SORBS3: variants seen among roughly 807,000 people sequenced by gnomAD.
SORBS3 encodes vinexin.
SORBS3 carries 69 observed loss-of-function variants against 98.0 expected under a neutral mutation model. That is an observed-to-expected ratio of 0.70 (90% CI 0.58 to 0.86). The LOEUF (loss-of-function observed/expected upper bound fraction) is 0.86. Among genes scored for constraint, SORBS3 ranks in the 40% least tolerant of loss-of-function variants. The pLI is 0.00. For synonymous variants in SORBS3, 394 were observed against 355.4 expected, an observed-to-expected ratio of 1.11 and a Z score of -1.22; for missense variants, 954 against 908.5, an observed-to-expected ratio of 1.05 and a Z score of -0.64.
rs1192385180 is a variant in SORBS3, at chr8:22,574,722, G to A, written c.2010G>A (p.Pro670=). The change falls in exon 21 of 21, where the codon CCG becomes CCA. Residue 670 remains proline, a synonymous_variant. Transcript: ENST00000240123. The part of the protein sequence containing the change: ...FGTFPGNYVA[P]V ...CGTTCCCTGGAAATTACGTTGCCCC[G>A]GTGTGAGTGGTCTCCATGGCAACTT... The A allele has an allele frequency of 1.2e-6, 2 of 1,610,958 alleles. No individual in the cohort carries two copies. Among genetic ancestry groups the A allele is most frequent in the South Asian group, 2.2e-5 (2 of 90,980 alleles).
chr8:22,555,276 A>C (rs1840163584), intron 3 of SORBS3, among the ~76,000 whole-genome samples: 1 of 152,140 alleles, frequency 6.6e-6, no homozygotes, highest in African/African-American at 2.4e-5. Flanking sequence ...TCCCACAGGG[A>C]CTGGGGATGG....
Position 22,556,897 on chromosome 8 carries a change from G to GC in SORBS3, c.409dup (p.Arg137ProfsTer5). ...CGTGGACGAGAGCGGCATGCCCATT[G>GC]CCCCCCGATCCGTGAGTCCAGGGCT... On this transcript the variant is annotated frameshift_variant, in exon 4 of 21. Transcript: ENST00000240123. LOFTEE classifies it high-confidence loss of function. 1.9e-6 allele frequency: 3 copies of GC among 1,612,750 alleles called. No individual in the cohort carries two copies. The highest frequency in any genetic ancestry group is 2.5e-6 in the Non-Finnish European group (3 of 1,180,024).
Position 22,564,085 on chromosome 8 carries a change from A to C in SORBS3, c.675+8A>C. 6.2e-7 allele frequency: 1 copy of C among 1,612,808 alleles called. No individual in the cohort carries two copies. Among genetic ancestry groups the C allele is most frequent in the East Asian group, 2.2e-5 (1 of 44,884 alleles). ...CTGCAGCCCTCAAATCAGGTAGCCC[A>C]CCCAGCATAGTCCCTGGTCAGCCCC... On this transcript the variant is annotated splice_region_variant and intron_variant, in intron 8 of 20. Transcript: ENST00000240123.
At chr8:22,549,176 GGGCAGTGCCAGA>G (rs1190785207), upstream of SORBS3, among the ~76,000 whole-genome samples, 1 of 152,260 alleles carries the variant, frequency 6.6e-6, no homozygotes, top group African/African-American at 2.4e-5. Context: ...CCCTGACAAA[GGGCAGTGCCAGA>G]GGTGGGGAAG....
rs201207917 is a variant in SORBS3, at chr8:22,564,367, A to G, written c.760A>G (p.Arg254Gly). 176 of 1,613,922 alleles carry G rather than the reference A, an allele frequency of 1.1e-4. No individual in the cohort carries two copies. The highest frequency in any genetic ancestry group is 1.4e-4 in the Non-Finnish European group (165 of 1,179,930). ...TCTGCAGGAACTAGAGACTGGGCAGAGGGTGAGTGCTGGCTGGCTCTCGGG... is the reference window on the plus strand; with the variant it reads ...TCTGCAGGAACTAGAGACTGGGCAGGGGGTGAGTGCTGGCTGGCTCTCGGG... ...QFLQELETGQ[R>G]PKKPLVDDPG... Residue 254 changes from arginine to glycine, a missense_variant and splice_region_variant, in exon 9 of 21, where the codon AGG (arginine) becomes GGG (glycine). By Grantham distance (125) the Arg-to-Gly change is moderately radical. Coordinates refer to ENST00000240123, the MANE Select transcript of SORBS3 (RefSeq NM_005775.5).
At chr8:22,550,292 T>G (rs1363737350), upstream of SORBS3, among the ~76,000 whole-genome samples, 1 of 151,714 alleles carries the variant, frequency 6.6e-6, no homozygotes, top group African/African-American at 2.4e-5. Context: ...TTGGAAGGAG[T>G]CTTCAAGGTC....
At chr8:22,549,238 AG>A (rs1363941374), upstream of SORBS3, among the ~76,000 whole-genome samples, 1 of 152,178 alleles carries the variant, frequency 6.6e-6, no homozygotes, top group Non-Finnish European at 1.5e-5. Context: ...TAGACAGGGG[AG>A]TCGTGCATGC....
intron 20 of SORBS3, among the ~76,000 whole-genome samples, chr8:22,574,072 G>A (rs542934018): frequency 6.6e-5 from 10 of 152,302 alleles, no homozygotes; most frequent in African/African-American, 2.4e-4. Flanking sequence ...CCTCCAGGGC[G>A]TCCTTCTCTT....
intron 7 of SORBS3, 67 bp downstream of exon 7, chr8:22,561,998 C>A: frequency 6.7e-7 from 1 of 1,496,124 alleles, no homozygotes. Flanking sequence ...ATGGGACGGG[C>A]GCCCCCTCGT....
intron 10 of SORBS3, 110 bp from the exon 11 acceptor site, chr8:22,565,158 C>G (rs560654494): frequency 1.4e-6 from 2 of 1,479,800 alleles, no homozygotes; most frequent in African/African-American, 2.8e-5. Flanking sequence ...GAGGCCTGCC[C>G]TTACGCCGGC....
At chr8:22,573,669 G>A (rs1429191203) in intron 20 of SORBS3, among the ~76,000 whole-genome samples, 1 of 151,990 alleles carries the variant, frequency 6.6e-6, no homozygotes, top group South Asian at 2.1e-4. Flanking sequence ...GGCAGAGGAC[G>A]AGGGTGGGGG....
chr8:22,553,687 G>T (rs977134758), intron 1 of SORBS3, among the ~76,000 whole-genome samples: 4 of 152,188 alleles, frequency 2.6e-5, no homozygotes, highest in African/African-American at 7.2e-5. Context: ...GCCAGGGAGC[G>T]CGTGTATGTG....
intron 5 of SORBS3, among the ~76,000 whole-genome samples, chr8:22,560,098 T>A (rs993161782): frequency 6.6e-6 from 1 of 151,762 alleles, no homozygotes; most frequent in Non-Finnish European, 1.5e-5. Flanking sequence ...GATTTAAAGT[T>A]TCCCCAGTAA....
intron 7 of SORBS3, among the ~76,000 whole-genome samples, chr8:22,563,084 A>G (rs1486761582): frequency 6.6e-6 from 1 of 151,828 alleles, no homozygotes; most frequent in African/African-American, 2.4e-5. Flanking sequence ...GCGCCACTGC[A>G]CTCCAGCCTG....
At chr8:22,568,294 A>G (rs923204122) in intron 16 of SORBS3, among the ~76,000 whole-genome samples, 1 of 151,856 alleles carries the variant, frequency 6.6e-6, no homozygotes, top group Non-Finnish European at 1.5e-5. Flanking sequence ...TCTGCTTCTT[A>G]TTTGCTTATT....
chr8:22,559,547 C>CA (rs531745156), intron 5 of SORBS3, among the ~76,000 whole-genome samples: 171 of 151,950 alleles, frequency 1.1e-3, no homozygotes, highest in Middle Eastern at 3.4e-3. Flanking sequence ...CTAAAAAATA[C>CA]AAAAAAGTAG....
intron 20 of SORBS3, 78 bp from the exon 21 acceptor site, chr8:22,574,589 G>A: frequency 1.4e-6 from 2 of 1,436,726 alleles, no homozygotes; most frequent in South Asian, 2.3e-5. Context: ...GGCACTGCCG[G>A]CAGGGGGCAG....
chr8:22,552,125 C>T, intron 1 of SORBS3, 103 bp downstream of exon 1: 1 of 950,984 alleles, frequency 1.1e-6, no homozygotes, highest in Non-Finnish European at 1.3e-6. Context: ...GGTCCGCGTC[C>T]CAAACTCTGG....
chr8:22,552,811 T>C (rs1482835121), intron 1 of SORBS3, among the ~76,000 whole-genome samples: 1 of 152,180 alleles, frequency 6.6e-6, no homozygotes, highest in African/African-American at 2.4e-5. Flanking sequence ...CCACCCTGCC[T>C]CAACTCCCCC....
Sources: allele counts gnomAD v4.1 joint callset (sites outside exome capture counted in the v4.1 genomes callset), GRCh38; gene constraint gnomAD v4.1.1; transcripts MANE v1.5; gene names NCBI Gene and HGNC (gene_info 2026-07-23, HGNC 2026-07-21).